VPS13B: variants seen among roughly 807,000 people sequenced by gnomAD.
The protein encoded by VPS13B is intermembrane lipid transfer protein VPS13B.
A neutral mutation model predicts 426.4 loss-of-function variants in VPS13B; 285 were observed. The observed-to-expected ratio is 0.67, with a 90% confidence interval of 0.61 to 0.74. The LOEUF is 0.74. Among genes scored for constraint, VPS13B ranks in the 30% least tolerant of loss-of-function variants. The pLI is 0.00. For missense variants in VPS13B, 4,537 were observed against 4,782.6 expected, an observed-to-expected ratio of 0.95 and a Z score of 1.51; for synonymous variants, 1,676 against 1,676.4, an observed-to-expected ratio of 1.00 and a Z score of 0.01.
chr8:99,097,549 G>A (rs1846494717), intron 4 of VPS13B, among the ~76,000 whole-genome samples: 1 of 152,006 alleles, frequency 6.6e-6, no homozygotes, highest in Non-Finnish European at 1.5e-5. Context: ...ATATCTTTTG[G>A]GCACTAAAAG....
intron 3 of VPS13B, among the ~76,000 whole-genome samples, chr8:99,078,743 G>C (rs1375647729): frequency 6.6e-6 from 1 of 152,140 alleles, no homozygotes; most frequent in Non-Finnish European, 1.5e-5. Context: ...TAGCAATAGC[G>C]GTGGCAGGCC....
chr8:99,194,968 C>T (rs1045921635), intron 17 of VPS13B, among the ~76,000 whole-genome samples: 30 of 152,264 alleles, frequency 2.0e-4, no homozygotes, highest in Admixed American at 3.9e-4. Flanking sequence ...GCCTCAGCCT[C>T]CCGAGTAGCT....
chr8:99,247,113 C>A (rs182253866), intron 17 of VPS13B, among the ~76,000 whole-genome samples: 30 of 152,100 alleles, frequency 2.0e-4, no homozygotes, highest in Admixed American at 3.9e-4. Context: ...TAGTTATTGG[C>A]CTTTGGTTAT....
chr8:99,592,346 CT>C (rs1270190090), intron 33 of VPS13B, among the ~76,000 whole-genome samples: 1 of 152,044 alleles, frequency 6.6e-6, no homozygotes, highest in Non-Finnish European at 1.5e-5. Flanking sequence ...CTCTGTCCTG[CT>C]TTGTTCCATT....
chr8:99,083,020 G>T (rs944174403), intron 3 of VPS13B, among the ~76,000 whole-genome samples: 3 of 152,162 alleles, frequency 2.0e-5, no homozygotes, highest in African/African-American at 7.2e-5. Flanking sequence ...TAGCTTGATG[G>T]GAATGGCATT....
chr8:99,710,513 A>G (rs1454682807), intron 36 of VPS13B, among the ~76,000 whole-genome samples: 1 of 152,178 alleles, frequency 6.6e-6, no homozygotes, highest in Non-Finnish European at 1.5e-5. Flanking sequence ...CCTGGGAAAA[A>G]AAGAAAGGCC....
At chr8:99,632,814 CA>C (rs1828902115) in intron 33 of VPS13B, among the ~76,000 whole-genome samples, 1 of 151,910 alleles carries the variant, frequency 6.6e-6, no homozygotes, top group African/African-American at 2.4e-5. Context: ...ATGATCTATA[CA>C]AAGTAAAGGG....
intron 30 of VPS13B, among the ~76,000 whole-genome samples, chr8:99,535,287 C>G (rs1292373618): frequency 1.3e-5 from 2 of 152,102 alleles, no homozygotes; most frequent in Non-Finnish European, 2.9e-5. Flanking sequence ...AACAATAAGT[C>G]TTAAATATAT....
chr8:99,391,587 C>A lies in VPS13B; in HGVS notation c.2965C>A (p.Pro989Thr). ...QPVVAVPLVM[P>T]VCRRKEDEVS... is the part of the protein sequence containing the mutation. The stretch of plus-strand genomic sequence containing the variant: ...TGTGGTAGCTGTTCCTCTTGTTATG[C>A]CAGTTTGTAGAAGGAAAGAGGATGA... The change falls in exon 21 of 62, where the codon CCA becomes ACA. Residue 989 changes from proline (P) to threonine (T), a missense_variant. Pro to Thr is a conservative substitution (Grantham distance 38, BLOSUM62 -1). Transcript: ENST00000357162. 2 of 1,614,108 alleles carry A rather than the reference C, an allele frequency of 1.2e-6. No homozygotes were observed. The highest frequency in any genetic ancestry group is 1.7e-6 in the Non-Finnish European group (2 of 1,180,006).
At chr8:99,412,604 T>G (rs913913170) in intron 21 of VPS13B, among the ~76,000 whole-genome samples, 1 of 152,194 alleles carries the variant, frequency 6.6e-6, no homozygotes, top group African/African-American at 2.4e-5. Flanking sequence ...CTTCCAATAC[T>G]ATGTGGAATA....
At chr8:99,867,702 T>C (rs986919101) in intron 58 of VPS13B, among the ~76,000 whole-genome samples, 4 of 152,096 alleles carry the variant, frequency 2.6e-5, no homozygotes, top group African/African-American at 9.7e-5. Context: ...GATCAAATGA[T>C]CTCATACAAA....
chr8:99,673,472 T>A (rs1233882179), intron 35 of VPS13B, among the ~76,000 whole-genome samples: 1 of 152,070 alleles, frequency 6.6e-6, no homozygotes, highest in Non-Finnish European at 1.5e-5. Flanking sequence ...CTTTTCCATC[T>A]CTGATTTTAT....
Position 99,315,807 on chromosome 8 carries a change from T to G in VPS13B, c.2824+40553T>G, listed in dbSNP as rs981424966. ...GCCTGCCACCGCGCCCGGTTAATTT[T>G]TTTGTATTGGAATTTGTTGCTTGAG... On this transcript the variant is annotated intron_variant, in intron 19 of 61. Transcript: ENST00000357162. Among the ~76,000 whole-genome samples, 3 of 152,190 alleles carry G rather than the reference T, an allele frequency of 2.0e-5. No individual in the cohort carries two copies. In the South Asian group the frequency reaches 6.2e-4, roughly 31 times the overall value.
In VPS13B at chr8:99,742,475, T is replaced by G. The variant is rs1476173096; in HGVS notation, c.7050+21428T>G. Among the ~76,000 whole-genome samples the G allele has an allele frequency of 2.0e-5, 3 of 152,226 alleles. No individual in the cohort carries two copies. The East Asian group carries it at 5.8e-4, about 29-fold the overall frequency. On this transcript the variant is annotated intron_variant, in intron 39 of 61. Coordinates refer to ENST00000357162, the MANE Select transcript of VPS13B (RefSeq NM_152564.5). ...AGAGGATCCTCCCTAACTCATTTTATGAGGCCAGCATCATCCTGATACCAA... is the reference window on the plus strand; with the variant it reads ...AGAGGATCCTCCCTAACTCATTTTAGGAGGCCAGCATCATCCTGATACCAA...
rs558194816 is a variant in VPS13B, at chr8:99,749,377, C to T, written c.7051-17397C>T. On this transcript the variant is annotated intron_variant, in intron 39 of 61. Transcript: ENST00000357162. Reference sequence around the variant, plus strand: ...TGTATCCCTTAACCATACCCACCTCCCTTCCCCTGCCCCAATACTCTTCCT... The same window carrying T: ...TGTATCCCTTAACCATACCCACCTCTCTTCCCCTGCCCCAATACTCTTCCT... 3.3e-5 allele frequency among the ~76,000 whole-genome samples: 5 copies of T among 152,156 alleles called. No homozygotes were observed. The South Asian group carries it at 1.0e-3, about 32-fold the overall frequency.
intron 5 of VPS13B, among the ~76,000 whole-genome samples, chr8:99,103,493 CTTTTTTTTTTTTT>C (rs71273162): frequency 2.0e-5 from 1 of 49,514 alleles, no homozygotes; most frequent in Non-Finnish European, 3.6e-5. Flanking sequence ...CTATGCCCGG[CTTTTTTTTTTTTT>C]TTTTTTTTTT....
chr8:99,075,194 A>C (rs1588000908), intron 3 of VPS13B, among the ~76,000 whole-genome samples: 1 of 152,332 alleles, frequency 6.6e-6, no homozygotes, highest in East Asian at 1.9e-4. Flanking sequence ...GATGTTATAA[A>C]GGAATACCTG....
chr8:99,463,984 C>T lies in VPS13B; in HGVS notation c.3446-3430C>T, dbSNP rs951445942. Among the ~76,000 whole-genome samples, 9 of 152,200 alleles carry T rather than the reference C, an allele frequency of 5.9e-5. No homozygotes were observed. In the East Asian group the frequency reaches 1.4e-3, roughly 23 times the overall value. ...TGTTGGTATTACAAGCATGAGCCAC[C>T]GCTCCAGGCCTTAACTGTCTTTAAA... On this transcript the variant is annotated intron_variant, in intron 23 of 61. Coordinates refer to ENST00000357162, the MANE Select transcript of VPS13B (RefSeq NM_152564.5).
chr8:99,335,281 G>T (rs199628060), intron 19 of VPS13B, among the ~76,000 whole-genome samples: 3 of 151,754 alleles, frequency 2.0e-5, no homozygotes, highest in African/African-American at 7.3e-5. Context: ...GCAGTCTATC[G>T]ATTTTGTTGA....
Sources: allele counts gnomAD v4.1 joint callset (sites outside exome capture counted in the v4.1 genomes callset), GRCh38; gene constraint gnomAD v4.1.1; transcripts MANE v1.5; gene names NCBI Gene and HGNC (gene_info 2026-07-23, HGNC 2026-07-21).